Variants in XIRP2 observed in about 807,000 individuals in gnomAD.
The protein encoded by XIRP2 is xin actin-binding repeat-containing protein 2.
XIRP2 carries 236 observed loss-of-function variants against 277.0 expected under a neutral mutation model. That is an observed-to-expected ratio of 0.85 (90% CI 0.77 to 0.95). The LOEUF (loss-of-function observed/expected upper bound fraction) is 0.95. Among genes scored for constraint, XIRP2 ranks in the 40% least tolerant of loss-of-function variants. The probability of loss-of-function intolerance (pLI) is 0.00; values close to 1 mark genes in which losing one functional copy is unlikely to be tolerated. For missense variants in XIRP2, 4,640 were observed against 4,157.5 expected, an observed-to-expected ratio of 1.12 and a Z score of -3.19; for synonymous variants, 1,490 against 1,416.5, an observed-to-expected ratio of 1.05 and a Z score of -1.17.
rs748238564 is a variant in XIRP2, at chr2:167,254,068, T to C, written c.10592T>C (p.Leu3531Ser). ...CCAAGACAAGGAAATATGTATACTT[T>C]GTCAAAAGACAGTTTATCCAATGGA... ...AAPRQGNMYT[L>S]SKDSLSNGVP... Residue 3531 changes from leucine (L) to serine (S), a missense_variant, in exon 10 of 11, where the codon TTG becomes TCG. Leu to Ser is a moderately radical substitution (Grantham distance 145). Transcript: ENST00000409195. 2.5e-6 allele frequency: 4 copies of C among 1,605,704 alleles called. No individual in the cohort carries two copies. The African/African-American group carries it at 4.0e-5, about 16-fold the overall frequency.
At chr2:166,984,897 A>G (rs1686961997) in intron 2 of XIRP2, among the ~76,000 whole-genome samples, 1 of 152,320 alleles carries the variant, frequency 6.6e-6, no homozygotes, top group Non-Finnish European at 1.5e-5. Context: ...ATAAGACTCA[A>G]TTTGAATTTT....
At chr2:167,128,031 C>T (rs573231276) in intron 2 of XIRP2, among the ~76,000 whole-genome samples, 4 of 152,298 alleles carry the variant, frequency 2.6e-5, no homozygotes, top group Admixed American at 2.0e-4. Context: ...GTTTTCACTT[C>T]TCTGAGGCAC....
chr2:167,187,410 T>C (rs555824203), intron 3 of XIRP2: 13 of 985,284 alleles, frequency 1.3e-5, no homozygotes, highest in Admixed American at 6.1e-5. Context: ...ACTGCACCCA[T>C]TGCTTTCAGG....
At chr2:166,909,442 C>T (rs1427059952) in intron 2 of XIRP2, among the ~76,000 whole-genome samples, 1 of 152,096 alleles carries the variant, frequency 6.6e-6, no homozygotes, top group East Asian at 1.9e-4. Context: ...TATAAGAATG[C>T]TTGTGATTTT....
chr2:167,120,690 G>A (rs1421512139), intron 2 of XIRP2, among the ~76,000 whole-genome samples: 1 of 152,112 alleles, frequency 6.6e-6, no homozygotes, highest in Non-Finnish European at 1.5e-5. Context: ...ACAGCCAGAA[G>A]CTTCATGAGA....
At position 166,925,109 on chromosome 2, in the gene XIRP2, A is replaced by T. The variant is rs142550503; in HGVS notation, c.408+21219A>T. 2.2e-3 allele frequency among the ~76,000 whole-genome samples: 339 copies of T among 152,196 alleles called. 3 individuals carry two copies. The highest frequency in any genetic ancestry group is 7.3e-3 in the African/African-American group (304 of 41,552). Reference sequence around the variant, plus strand: ...GGCTATGCATTCACAAATAATAGGTAGTAGCTATATTTATCAAAAGTCATG... The same window carrying T: ...GGCTATGCATTCACAAATAATAGGTTGTAGCTATATTTATCAAAAGTCATG... On this transcript the variant is annotated intron_variant, in intron 2 of 10. Transcript: ENST00000409195.
rs563170376 is a variant in XIRP2, at chr2:167,072,257, A to G, written c.409-63652A>G. 9.9e-5 allele frequency among the ~76,000 whole-genome samples: 15 copies of G among 152,264 alleles called. No individual in the cohort carries two copies. In the South Asian group the frequency reaches 3.1e-3, roughly 32 times the overall value. ...TGCCTCTCTGGAAATTGTTTTCTAT[A>G]TGGAATATTTTATGGGAGGGTATAT... On this transcript the variant is annotated intron_variant, in intron 2 of 10. Coordinates refer to ENST00000409195, the MANE Select transcript of XIRP2 (RefSeq NM_152381.6).
At position 166,926,418 on chromosome 2, in the gene XIRP2, C is replaced by T. The variant is rs369960918; in HGVS notation, c.408+22528C>T. 4.6e-5 allele frequency among the ~76,000 whole-genome samples: 7 copies of T among 152,176 alleles called. No homozygotes were observed. In the East Asian group the frequency reaches 7.7e-4, roughly 17 times the overall value. On this transcript the variant is annotated intron_variant, in intron 2 of 10. Coordinates refer to ENST00000409195, the MANE Select transcript of XIRP2 (RefSeq NM_152381.6). ...AATAGTGACCATTACAATTTCCAGC[C>T]GCCTATCATTTCACTGTTGCCATTA...
At chr2:166,954,935 G>A (rs367656023) in intron 2 of XIRP2, among the ~76,000 whole-genome samples, 1 of 151,808 alleles carries the variant, frequency 6.6e-6, no homozygotes, top group African/African-American at 2.4e-5. Context: ...GGAGGGGAGA[G>A]CATTAGGAAA....
At chr2:167,174,569 C>T (rs1186768560) in intron 3 of XIRP2, among the ~76,000 whole-genome samples, 2 of 152,130 alleles carry the variant, frequency 1.3e-5, no homozygotes, top group African/African-American at 2.4e-5. Context: ...AAACAAGCTG[C>T]TGGATTCATT....
intron 2 of XIRP2, among the ~76,000 whole-genome samples, chr2:166,995,300 C>T (rs1687187814): frequency 1.3e-5 from 2 of 152,146 alleles, no homozygotes; most frequent in African/African-American, 4.8e-5. Context: ...GTGGCTGAGC[C>T]CTACTGAATT....
At position 167,244,098 on chromosome 2, in the gene XIRP2, T is replaced by G. The variant is rs758507752; in HGVS notation, c.2706T>G (p.Ser902=). ...GAAAGCTTCAAAAAATCACTGCCTCTGAAGAAGAAAAAGGGGATGTTAGGC... is the reference window on the plus strand; with the variant it reads ...GAAAGCTTCAAAAAATCACTGCCTCGGAAGAAGAAAAAGGGGATGTTAGGC... The part of the protein sequence containing the change: ...DIGKLQKITA[S]EEEKGDVRHQ... The change falls in exon 9 of 11, where the codon TCT becomes TCG. Residue 902 remains serine (S), a synonymous_variant. Transcript: ENST00000409195. 38 of 1,613,682 alleles carry G rather than the reference T, an allele frequency of 2.4e-5. No homozygotes were observed. Among genetic ancestry groups the G allele is most frequent in the Non-Finnish European group, 3.2e-5 (38 of 1,179,908 alleles).
chr2:167,244,827 A>G lies in XIRP2; in HGVS notation c.3435A>G (p.Thr1145=). ...PLDTIKDDSE[T]AVKLQTVKQE... The stretch of plus-strand genomic sequence containing the variant: ...ATACCATAAAAGATGACTCTGAAAC[A>G]GCAGTCAAATTGCAAACTGTAAAAC... The change falls in exon 9 of 11, where the codon ACA becomes ACG. Residue 1145 remains threonine, a synonymous_variant. Coordinates refer to ENST00000409195, the MANE Select transcript of XIRP2 (RefSeq NM_152381.6). 1.9e-6 allele frequency: 3 copies of G among 1,613,770 alleles called. No homozygotes were observed. Among genetic ancestry groups the G allele is most frequent in the South Asian group, 1.1e-5 (1 of 91,068 alleles).
chr2:167,029,282 T>C (rs1053647681), intron 2 of XIRP2, among the ~76,000 whole-genome samples: 5 of 152,110 alleles, frequency 3.3e-5, no homozygotes, highest in Non-Finnish European at 5.9e-5. Context: ...CCTTGTCTTG[T>C]GCCAGTTTTC....
intron 2 of XIRP2, among the ~76,000 whole-genome samples, chr2:167,119,587 G>T (rs1478862561): frequency 6.6e-6 from 1 of 152,154 alleles, no homozygotes; most frequent in Non-Finnish European, 1.5e-5. Context: ...GCTCTTGATT[G>T]TGCTTCTTTG....
intron 2 of XIRP2, among the ~76,000 whole-genome samples, chr2:167,019,995 G>A (rs1243105548): frequency 6.6e-6 from 1 of 151,996 alleles, no homozygotes; most frequent in Non-Finnish European, 1.5e-5. Context: ...GCTCACAAAT[G>A]CACTATTCGC....
rs538322172 is a variant in XIRP2 at position 166,933,880 on chromosome 2, A to T, written c.408+29990A>T. On this transcript the variant is annotated intron_variant, in intron 2 of 10. Transcript: ENST00000409195. ...TCTAATATATAATTTATTCTCTGATATTTGCTATTTCTTGTTGTTGACTAT... is the reference window on the plus strand; with the variant it reads ...TCTAATATATAATTTATTCTCTGATTTTTGCTATTTCTTGTTGTTGACTAT... 4.6e-5 allele frequency among the ~76,000 whole-genome samples: 7 copies of T among 152,148 alleles called. 1 individual carries two copies. Among genetic ancestry groups the T allele is most frequent in the African/African-American group, 1.7e-4 (7 of 41,502 alleles).
intron 2 of XIRP2, among the ~76,000 whole-genome samples, chr2:167,073,989 C>A (rs1689500135): frequency 6.6e-6 from 1 of 152,144 alleles, no homozygotes; most frequent in Admixed American, 6.5e-5. Flanking sequence ...CAACATCATT[C>A]TCTCTTCTCA....
At chr2:166,962,267 T>C (rs1686318790) in intron 2 of XIRP2, among the ~76,000 whole-genome samples, 1 of 151,754 alleles carries the variant, frequency 6.6e-6, no homozygotes, top group South Asian at 2.1e-4. Flanking sequence ...GAGCTATGCC[T>C]GTAAGACTAA....
Sources: allele counts gnomAD v4.1 joint callset (sites outside exome capture counted in the v4.1 genomes callset), GRCh38; gene constraint gnomAD v4.1.1; transcripts MANE v1.5; gene names NCBI Gene and HGNC (gene_info 2026-07-23, HGNC 2026-07-21).